The following MGA variants were observed in gnomAD, a reference collection of about 807,000 sequenced individuals.
The protein encoded by MGA is MAX dimerization protein MGA, also known as MAX gene-associated protein.
A neutral mutation model predicts 261.1 loss-of-function variants in MGA; 40 were observed. The ratio of observed to expected loss-of-function variants is 0.15; its 90% CI spans 0.12 to 0.20. MGA has a LOEUF of 0.20. Among genes scored for constraint, MGA ranks in the 10% least tolerant of loss-of-function variants. The pLI is 1.00. For missense variants in MGA, 3,397 were observed against 3,630.5 expected (o/e 0.94, Z 1.65); for synonymous variants, 1,302 against 1,290.6 (o/e 1.01, Z -0.19).
At chr15:41,730,694 C>CA (rs1168311968) in intron 11 of MGA, among the ~76,000 whole-genome samples, 5 of 152,278 alleles carry the variant, frequency 3.3e-5, no homozygotes, top group Non-Finnish European at 5.9e-5. Context: ...ACAATAAAGA[C>CA]AAAATATGTC....
intron 2 of MGA, among the ~76,000 whole-genome samples, chr15:41,683,653 A>G (rs1402170627): frequency 6.9e-6 from 1 of 145,950 alleles, no homozygotes; most frequent in South Asian, 2.1e-4. Flanking sequence ...ATCTTGGCTC[A>G]CTGCAGCCTT....
At chr15:41,640,346 T>C (rs2056796445) in intron 1 of MGA, among the ~76,000 whole-genome samples, 1 of 152,140 alleles carries the variant, frequency 6.6e-6, no homozygotes, top group Non-Finnish European at 1.5e-5. Context: ...AGGTGCAACT[T>C]GGTGCTCATT....
intron 3 of MGA, among the ~76,000 whole-genome samples, chr15:41,697,330 GA>G (rs2059592968): frequency 6.6e-6 from 1 of 152,004 alleles, no homozygotes. Flanking sequence ...ATGGATTTTG[GA>G]AAGGACTAAA....
chr15:41,642,603 C>T (rs1351379092), intron 1 of MGA, among the ~76,000 whole-genome samples: 1 of 152,176 alleles, frequency 6.6e-6, no homozygotes, highest in Non-Finnish European at 1.5e-5. Context: ...CCTGTCTCAG[C>T]CTCCCAAGTA....
In MGA at chr15:41,764,015, C is replaced by T. The variant is rs183512329; in HGVS notation, c.7745-871C>T. Among the ~76,000 whole-genome samples the T allele has an allele frequency of 2.8e-3, 424 of 151,702 alleles. 1 individual carries two copies. Among genetic ancestry groups the T allele is most frequent in the Non-Finnish European group, 4.9e-3 (336 of 67,906 alleles). On this transcript the variant is annotated intron_variant, in intron 22 of 23. Transcript: ENST00000219905. ...CTCTACTAAAAATACCAAAATTAGC[C>T]GGATGTGGTGGTGCACACCTGTAGT...
intron 20 of MGA, 27 bp from the exon 21 acceptor site, chr15:41,761,712 T>A (rs757158928): frequency 7.0e-7 from 1 of 1,423,186 alleles, no homozygotes; most frequent in Non-Finnish European, 9.7e-7. Context: ...GGATCAATTT[T>A]CAATAATACC....
At position 41,696,543 on chromosome 15, in the gene MGA, C is replaced by T. The variant is rs1185419153; in HGVS notation, c.1533C>T (p.Tyr511=). The T allele has an allele frequency of 1.9e-6, 3 of 1,613,826 alleles. No homozygotes were observed. Among genetic ancestry groups the T allele is most frequent in the Non-Finnish European group, 1.7e-6 (2 of 1,179,892 alleles). ...CAGAATTGGAATATTTGCCTACATACATTGAAAATTCCAATGAGACTGCCT... is the reference window on the plus strand; with the variant it reads ...CAGAATTGGAATATTTGCCTACATATATTGAAAATTCCAATGAGACTGCCT... The change falls in exon 3 of 24, where the codon TAC becomes TAT. Residue 511 remains tyrosine, a synonymous_variant. Coordinates refer to ENST00000219905, the MANE Select transcript of MGA (RefSeq NM_001164273.2).
chr15:41,708,582 G>A (rs982551584), intron 7 of MGA, among the ~76,000 whole-genome samples: 4 of 152,216 alleles, frequency 2.6e-5, no homozygotes, highest in Non-Finnish European at 5.9e-5. Flanking sequence ...GCCTCCCAAA[G>A]TGCTGGGATT....
At chr15:41,644,346 C>CAAAAA (rs34743222) in intron 1 of MGA, among the ~76,000 whole-genome samples, 5 of 65,700 alleles carry the variant, frequency 7.6e-5, no homozygotes, top group African/African-American at 1.2e-4. Flanking sequence ...CCATCTGTAC[C>CAAAAA]AAAAAAAAAA....
chr15:41,731,763 G>T (rs1432115711), intron 11 of MGA, among the ~76,000 whole-genome samples: 1 of 152,130 alleles, frequency 6.6e-6, no homozygotes. Flanking sequence ...ACTGAAACTT[G>T]GTTAATAAGA....
At chr15:41,684,843 A>G (rs1379453281) in intron 2 of MGA, among the ~76,000 whole-genome samples, 1 of 152,192 alleles carries the variant, frequency 6.6e-6, no homozygotes, top group Non-Finnish European at 1.5e-5. Flanking sequence ...AGTGGGCTTG[A>G]TTATGGAAAT....
At chr15:41,707,052 A>G (rs2060157525) in intron 5 of MGA, among the ~76,000 whole-genome samples, 2 of 152,238 alleles carry the variant, frequency 1.3e-5, no homozygotes, top group South Asian at 4.1e-4. Context: ...TAATCAGGCC[A>G]GCAGCTTAGT....
intron 5 of MGA, among the ~76,000 whole-genome samples, chr15:41,700,337 C>T (rs373607668): frequency 2.0e-5 from 3 of 152,116 alleles, no homozygotes; most frequent in African/African-American, 7.2e-5. Flanking sequence ...TGAGCCACCG[C>T]GCCCGGCCCT....
intron 1 of MGA, among the ~76,000 whole-genome samples, chr15:41,622,317 C>T (rs932621644): frequency 6.6e-6 from 1 of 152,036 alleles, no homozygotes; most frequent in East Asian, 1.9e-4. Context: ...CTCATACGGC[C>T]TCTGACTTCC....
intron 1 of MGA, among the ~76,000 whole-genome samples, chr15:41,622,676 G>A (rs923676768): frequency 6.6e-5 from 10 of 152,132 alleles, no homozygotes; most frequent in Admixed American, 6.5e-4. Context: ...CCCCCATAAC[G>A]CTGCCTAGAA....
In MGA at chr15:41,710,942, C is replaced by T. The variant is rs1400075534; in HGVS notation, c.2677C>T (p.Pro893Ser). The T allele has an allele frequency of 3.1e-6, 5 of 1,613,942 alleles. No individual in the cohort carries two copies. The highest frequency in any genetic ancestry group is 2.2e-5 in the South Asian group (2 of 91,086). The change falls in exon 8 of 24, where the codon CCT becomes TCT. Residue 893 changes from proline (P) to serine (S), a missense_variant. By Grantham distance (74) the Pro-to-Ser change is moderately conservative. This residue lies in a region of MGA where 519 missense variants were observed against 554.1 expected (regional missense o/e 0.94). Coordinates refer to ENST00000219905, the MANE Select transcript of MGA (RefSeq NM_001164273.2). ...TTCTTTGAAACCTCATTCTGTACCC[C>T]CTGTCTCTCGAAAGGCAAAGTCTCA...
At chr15:41,657,877 G>A (rs9806709), upstream of MGA, among the ~76,000 whole-genome samples, 22,103 of 152,072 alleles carry the variant, frequency 0.15, 2,555 homozygotes, top group East Asian at 0.68. Flanking sequence ...CGAAAGGATT[G>A]GATCTGAATA....
At chr15:41,695,046 C>T (rs2059485733) in intron 2 of MGA, among the ~76,000 whole-genome samples, 1 of 152,090 alleles carries the variant, frequency 6.6e-6, no homozygotes, top group South Asian at 2.1e-4. Flanking sequence ...TATAGTTTTT[C>T]TCAAAGCAGT....
At chr15:41,684,273 T>TA (rs1275537667) in intron 2 of MGA, 2 of 359,886 alleles carry the variant, frequency 5.6e-6, no homozygotes, top group African/African-American at 4.3e-5. Flanking sequence ...TAATGTGTCT[T>TA]AGAGTGGCTG....
Sources: gnomAD v4.1 joint callset for allele counts (sites outside exome capture counted in the v4.1 genomes callset) on GRCh38, gnomAD v4.1.1 for gene constraint, gnomAD v4.1.1 regional missense constraint, MANE v1.5 for transcripts, NCBI Gene and HGNC (gene_info 2026-07-23, HGNC 2026-07-21) for gene names.